The following ZNF93 variants were observed in gnomAD, a reference collection of about 807,000 sequenced individuals.
ZNF93 encodes zinc finger protein 505.
A neutral mutation model predicts 45.0 loss-of-function variants in ZNF93; 29 were observed. That is an observed-to-expected ratio of 0.64 (90% CI 0.48 to 0.88). The LOEUF (loss-of-function observed/expected upper bound fraction) is 0.88. Among genes scored for constraint, ZNF93 ranks in the 40% least tolerant of loss-of-function variants. ZNF93 has a pLI of 0.00. For missense variants in ZNF93, 578 were observed against 724.0 expected (o/e 0.80, Z 2.31); for synonymous variants, 223 against 244.6 (o/e 0.91, Z 0.82).
intron 3 of ZNF93, among the ~76,000 whole-genome samples, chr19:19,930,914 A>T (rs1211561267): frequency 6.6e-6 from 1 of 151,976 alleles, no homozygotes; most frequent in Non-Finnish European, 1.5e-5. Context: ...CCACAATATA[A>T]TATCAATTTT....
chr19:19,926,384 A>G (rs1371268615), intron 3 of ZNF93, among the ~76,000 whole-genome samples: 1 of 139,460 alleles, frequency 7.2e-6, no homozygotes, highest in Non-Finnish European at 1.6e-5. Context: ...CAGCCTGACA[A>G]TTATTTTTTT....
intron 3 of ZNF93, among the ~76,000 whole-genome samples, chr19:19,918,414 G>A (rs1473089295): frequency 5.3e-5 from 8 of 152,204 alleles, no homozygotes; most frequent in East Asian, 3.9e-4. Flanking sequence ...ATAAACATAC[G>A]TGTGCATGTG....
intron 3 of ZNF93, among the ~76,000 whole-genome samples, chr19:19,923,314 G>A (rs1158722307): frequency 6.6e-6 from 1 of 152,118 alleles, no homozygotes; most frequent in Non-Finnish European, 1.5e-5. Context: ...ATCTCAGAGG[G>A]GTACCCGGCC....
chr19:19,924,555 C>T (rs1170972099), intron 3 of ZNF93, among the ~76,000 whole-genome samples: 2 of 151,766 alleles, frequency 1.3e-5, no homozygotes, highest in African/African-American at 4.8e-5. Flanking sequence ...AGCATTTCCT[C>T]AGGTAACTGT....
intron 3 of ZNF93, among the ~76,000 whole-genome samples, chr19:19,917,944 CTTTT>C (rs779565529): frequency 1.8e-3 from 260 of 147,372 alleles, no homozygotes; most frequent in Non-Finnish European, 1.7e-3. Context: ...TTCCTTCTTT[CTTTT>C]TTTTTCTTTT....
At chr19:19,927,024 TTTTTTCAGTTTTTCTTTAAAAAC>T in intron 3 of ZNF93, 1 of 397,272 alleles carries the variant, frequency 2.5e-6, no homozygotes, top group African/African-American at 2.1e-5. Flanking sequence ...AATTCTGTAT[TTTTTTCAGTTTTTCTTTAAAAAC>T]ATTGTTTTAA....
At chr19:19,929,910 C>G (rs2063367773) in intron 3 of ZNF93, among the ~76,000 whole-genome samples, 1 of 128,242 alleles carries the variant, frequency 7.8e-6, no homozygotes, top group East Asian at 2.6e-4. Context: ...TGCACTCCAG[C>G]CTGGGCAACA....
At chr19:19,916,307 C>T (rs921515405) in intron 2 of ZNF93, among the ~76,000 whole-genome samples, 4 of 152,050 alleles carry the variant, frequency 2.6e-5, no homozygotes, top group Admixed American at 6.6e-5. Flanking sequence ...CTTCGTGATC[C>T]GCCCGCCTTG....
intron 2 of ZNF93, 103 bp from the exon 3 acceptor site, chr19:19,916,457 A>G: frequency 2.3e-6 from 2 of 883,004 alleles, no homozygotes; most frequent in Middle Eastern, 2.5e-4. Flanking sequence ...TTTTGGTATT[A>G]ATTTACTAGA....
chr19:19,904,344 T>G lies in ZNF93; in HGVS notation c.3+3253T>G, dbSNP rs1599564970. ...TTCTTTGTTCTATGCATTTCTTCCT[T>G]TTGGCTTTTCCTGGGCTGCATCTTA... On this transcript the variant is annotated intron_variant, in intron 1 of 3. Coordinates refer to ENST00000343769, the MANE Select transcript of ZNF93 (RefSeq NM_031218.4). 3.3e-5 allele frequency among the ~76,000 whole-genome samples: 5 copies of G among 152,326 alleles called. No homozygotes were observed. In the South Asian group the frequency reaches 1.0e-3, roughly 32 times the overall value.
chr19:19,930,150 G>A (rs896995760), intron 3 of ZNF93, among the ~76,000 whole-genome samples: 4 of 152,158 alleles, frequency 2.6e-5, no homozygotes, highest in African/African-American at 9.6e-5. Flanking sequence ...AAGGTCACGT[G>A]GGTCACGTGT....
Position 19,928,299 on chromosome 19 carries a change from ATGTTTG to A in ZNF93, c.227-4879_227-4874del, listed in dbSNP as rs2063362233. ...CTCTATTCTGTTCTTTCATCTGTTT[ATGTTTG>A]TGTCAGTATCATATTGTTTATGTTA... On this transcript the variant is annotated intron_variant, in intron 3 of 3. Transcript: ENST00000343769. 2.0e-5 allele frequency among the ~76,000 whole-genome samples: 3 copies of A among 152,080 alleles called. No individual in the cohort carries two copies. The South Asian group carries it at 6.2e-4, about 31-fold the overall frequency.
intron 3 of ZNF93, among the ~76,000 whole-genome samples, chr19:19,931,335 G>A (rs1300467257): frequency 6.6e-6 from 1 of 151,940 alleles, no homozygotes; most frequent in African/African-American, 2.4e-5. Flanking sequence ...GATTACAGGT[G>A]CATGCCACCA....
intron 3 of ZNF93, among the ~76,000 whole-genome samples, chr19:19,927,622 T>G (rs2063360223): frequency 6.6e-6 from 1 of 152,198 alleles, no homozygotes; most frequent in Non-Finnish European, 1.5e-5. Context: ...ATTCACAAGG[T>G]TCATCTAAAA....
chr19:19,926,630 G>T (rs1303302527), intron 3 of ZNF93, among the ~76,000 whole-genome samples: 2 of 151,832 alleles, frequency 1.3e-5, no homozygotes, highest in East Asian at 1.9e-4. Flanking sequence ...TAAGATTACA[G>T]GTGTGAGCCA....
chr19:19,927,511 T>C (rs1223221315), intron 3 of ZNF93, among the ~76,000 whole-genome samples: 2 of 152,202 alleles, frequency 1.3e-5, no homozygotes, highest in African/African-American at 4.8e-5. Flanking sequence ...AGACAAGCCT[T>C]CTACTTTCTG....
chr19:19,919,518 C>T (rs993514226), intron 3 of ZNF93, among the ~76,000 whole-genome samples: 1 of 152,108 alleles, frequency 6.6e-6, no homozygotes, highest in African/African-American at 2.4e-5. Context: ...ATGGGGATGG[C>T]ATTGAATCTA....
chr19:19,901,589 TCA>T (rs2063271552), intron 1 of ZNF93, among the ~76,000 whole-genome samples: 1 of 151,582 alleles, frequency 6.6e-6, no homozygotes, highest in Admixed American at 6.6e-5. Context: ...AAGTTCCTCT[TCA>T]GAGACTCAAC....
chr19:19,931,577 C>T (rs2063374566), intron 3 of ZNF93, among the ~76,000 whole-genome samples: 1 of 152,198 alleles, frequency 6.6e-6, no homozygotes, highest in South Asian at 2.1e-4. Context: ...GTTGCCCAGG[C>T]TGATCTTGAA....
Sources: gnomAD v4.1 joint callset for allele counts (sites outside exome capture counted in the v4.1 genomes callset) on GRCh38, gnomAD v4.1.1 for gene constraint, MANE v1.5 for transcripts, NCBI Gene and HGNC (gene_info 2026-07-23, HGNC 2026-07-21) for gene names.